The following ANKRD45 variants were observed in gnomAD, a reference collection of about 807,000 sequenced individuals.
ANKRD45 encodes ankyrin repeat domain-containing protein 45.
ANKRD45 carries 21 observed loss-of-function variants against 28.1 expected under a neutral mutation model. The observed-to-expected ratio is 0.75, with a 90% CI of 0.53 to 1.08. ANKRD45 has a LOEUF of 1.08. Ranked by LOEUF, ANKRD45 falls within the 50% of genes least tolerant of loss-of-function variation. The pLI, the probability that ANKRD45 is intolerant of heterozygous loss-of-function variation, is 0.00. For synonymous variants in ANKRD45, 86 were observed against 103.9 expected (o/e 0.83, Z 1.05); for missense variants, 261 against 308.7 (o/e 0.85, Z 1.16).
the ANKRD45 span, among the ~76,000 whole-genome samples, chr1:173,679,575 C>G: frequency 6.6e-6 from 1 of 152,074 alleles, no homozygotes; most frequent in East Asian, 1.9e-4. Flanking sequence ...AAATGTAAGA[C>G]TAAAACCATA....
At chr1:173,663,330 A>C (rs1669869937) in intron 1 of ANKRD45, among the ~76,000 whole-genome samples, 1 of 152,198 alleles carries the variant, frequency 6.6e-6, no homozygotes, top group Non-Finnish European at 1.5e-5. Flanking sequence ...AGTGACAGAA[A>C]TAGTATGCTG....
intron 3 of ANKRD45, chr1:173,636,837 A>G (rs1668466477): frequency 6.5e-7 from 1 of 1,535,498 alleles, no homozygotes; most frequent in South Asian, 1.2e-5. Flanking sequence ...CTGAAAAAGC[A>G]AGCCTCCTTA....
chr1:173,655,370 T>C lies in ANKRD45; in HGVS notation c.328+3721A>G, dbSNP rs997433173. 9.8e-5 allele frequency among the ~76,000 whole-genome samples: 15 copies of C among 152,350 alleles called. 1 individual carries two copies. The highest frequency in any genetic ancestry group is 3.6e-4 in the African/African-American group (15 of 41,584). On this transcript the variant is annotated intron_variant, in intron 2 of 5. Transcript: ENST00000333279. ...GTCAGGTCCCTCAGCTGCAGGTCTG[T>C]TGGAGTTTGCTGGAGGTCCACTCCA...
At chr1:173,650,485 A>ATAATCCAGTCTATCAT (rs1428231522) in intron 2 of ANKRD45, among the ~76,000 whole-genome samples, 2 of 152,168 alleles carry the variant, frequency 1.3e-5, no homozygotes, top group Non-Finnish European at 2.9e-5. Context: ...CCACATTTTC[A>ATAATCCAGTCTATCAT]TAATCCAGTC....
At chr1:173,653,809 T>C (rs891155705) in intron 2 of ANKRD45, among the ~76,000 whole-genome samples, 1 of 152,214 alleles carries the variant, frequency 6.6e-6, no homozygotes, top group South Asian at 2.1e-4. Flanking sequence ...ATATTTATGA[T>C]AGTTAGCTCT....
chr1:173,674,467 C>T (rs1305956394), upstream of ANKRD45, among the ~76,000 whole-genome samples: 2 of 152,198 alleles, frequency 1.3e-5, no homozygotes, highest in Non-Finnish European at 2.9e-5. Context: ...ATGACACAGC[C>T]TCAGGAGGTC....
intron 5 of ANKRD45, among the ~76,000 whole-genome samples, chr1:173,617,350 C>T (rs1271724253): frequency 1.3e-5 from 2 of 152,216 alleles, no homozygotes; most frequent in Non-Finnish European, 2.9e-5. Flanking sequence ...GCGCAACAGG[C>T]TGGAGACTGC....
chr1:173,646,981 C>CCCAG lies in ANKRD45; in HGVS notation c.357_360dup (p.Gly121LeufsTer16). The CCCAG allele has an allele frequency of 6.2e-7, 1 of 1,614,056 alleles. No individual in the cohort carries two copies. On this transcript the variant is annotated frameshift_variant, in exon 3 of 6. Transcript: ENST00000333279. LOFTEE classifies it high-confidence loss of function. ...AGTGCTTTCAAAGTTTCCAAACGAC[C>CCCAG]CCAGGCTGCAGCACAATGTAAGAGT... is the stretch of plus-strand genomic sequence containing the variant.
chr1:173,653,089 CTA>C (rs1669316197), intron 2 of ANKRD45, among the ~76,000 whole-genome samples: 1 of 152,088 alleles, frequency 6.6e-6, no homozygotes, highest in Non-Finnish European at 1.5e-5. Context: ...TTTTGTGTCT[CTA>C]TCTCCTTCAG....
In ANKRD45 at chr1:173,608,545, C is replaced by T. The variant is rs878868472; in HGVS notation, c.*1600G>A. ...TGTTGGCCAGGCTTGTCTCAAACCG[C>T]TGACCTCAGGTGATCCGCCTGCCTT... On this transcript the variant is annotated 3_prime_UTR_variant, in exon 6 of 6. Transcript: ENST00000333279. Among the ~76,000 whole-genome samples, 1 of 151,910 alleles carries T rather than the reference C, an allele frequency of 6.6e-6. No homozygotes were observed. The highest frequency in any genetic ancestry group is 6.5e-5 in the Admixed American group (1 of 15,268).
At chr1:173,638,331 G>A (rs769452719) in intron 3 of ANKRD45, among the ~76,000 whole-genome samples, 3 of 152,122 alleles carry the variant, frequency 2.0e-5, no homozygotes, top group South Asian at 2.1e-4. Context: ...GAGCCTTGCC[G>A]GGAAAAGAAT....
upstream of ANKRD45, among the ~76,000 whole-genome samples, chr1:173,670,237 C>G (rs919653330): frequency 6.6e-6 from 1 of 152,188 alleles, no homozygotes; most frequent in African/African-American, 2.4e-5. Flanking sequence ...AGGAGTGTTT[C>G]AGGCGACCTC....
chr1:173,620,207 A>T (rs1667641850), intron 5 of ANKRD45, among the ~76,000 whole-genome samples: 1 of 152,180 alleles, frequency 6.6e-6, no homozygotes, highest in South Asian at 2.1e-4. Flanking sequence ...ATGCAGAAGT[A>T]AAACAGTCAG....
At chr1:173,650,280 G>T (rs992656861) in intron 2 of ANKRD45, among the ~76,000 whole-genome samples, 3 of 151,948 alleles carry the variant, frequency 2.0e-5, no homozygotes, top group Non-Finnish European at 4.4e-5. Flanking sequence ...AATAGACCCC[G>T]GTGTGTGATG....
At chr1:173,683,246 A>G in the ANKRD45 span, among the ~76,000 whole-genome samples, 104 of 152,290 alleles carry the variant, frequency 6.8e-4, 3 homozygotes, top group Admixed American at 6.4e-3. Context: ...CAAGTTACTT[A>G]CAGTTACTTA....
intron 2 of ANKRD45, among the ~76,000 whole-genome samples, chr1:173,647,401 T>C (rs1668985745): frequency 6.6e-6 from 1 of 152,140 alleles, no homozygotes; most frequent in African/African-American, 2.4e-5. Flanking sequence ...TTTTAAAGAA[T>C]TTTTATCAAA....
At chr1:173,626,291 C>T (rs1343824431) in intron 4 of ANKRD45, among the ~76,000 whole-genome samples, 3 of 152,090 alleles carry the variant, frequency 2.0e-5, no homozygotes, top group African/African-American at 7.2e-5. Flanking sequence ...ATTTCTGATA[C>T]CTTCAGTATA....
chr1:173,667,423 G>A (rs925028063), intron 1 of ANKRD45, among the ~76,000 whole-genome samples: 6 of 152,152 alleles, frequency 3.9e-5, no homozygotes. Context: ...ACCACTTGTG[G>A]CCAGGAGCAG....
chr1:173,624,042 A>G (rs770889561), intron 5 of ANKRD45, among the ~76,000 whole-genome samples: 1 of 152,168 alleles, frequency 6.6e-6, no homozygotes, highest in Non-Finnish European at 1.5e-5. Context: ...GCAAACCACC[A>G]TGGCACACGT....
Sources: allele counts gnomAD v4.1 joint callset (sites outside exome capture counted in the v4.1 genomes callset), GRCh38; gene constraint gnomAD v4.1.1; transcripts MANE v1.5; gene names NCBI Gene and HGNC (gene_info 2026-07-23, HGNC 2026-07-21).